The following IPO8 variants were observed in gnomAD, a reference collection of about 807,000 sequenced individuals.
IPO8 encodes importin-8.
Under a neutral mutation model 141.2 loss-of-function variants are expected in IPO8, and 65 were observed. The ratio of observed to expected loss-of-function variants is 0.46; its 90% CI spans 0.38 to 0.57. The LOEUF (loss-of-function observed/expected upper bound fraction) is 0.57, where lower values mean the gene tolerates loss of function less well. IPO8 is among the 20% of genes least tolerant of loss of function. The probability of loss-of-function intolerance (pLI) is 0.00; values close to 1 mark genes in which losing one functional copy is unlikely to be tolerated. For missense variants in IPO8, 980 were observed against 1,246.8 expected, an observed-to-expected ratio of 0.79 and a Z score of 3.22; for synonymous variants, 411 against 420.3, an observed-to-expected ratio of 0.98 and a Z score of 0.27.
At chr12:30,685,256 C>T (rs2053228510) in intron 2 of IPO8, among the ~76,000 whole-genome samples, 1 of 151,862 alleles carries the variant, frequency 6.6e-6, no homozygotes, top group South Asian at 2.1e-4. Context: ...TATCCTGCCT[C>T]AGCCTCCCAA....
chr12:30,642,225 G>A (rs968939602), intron 20 of IPO8, among the ~76,000 whole-genome samples: 4 of 151,874 alleles, frequency 2.6e-5, no homozygotes, highest in Non-Finnish European at 5.9e-5. Context: ...AAAAAAATCT[G>A]TGCATATTAG....
chr12:30,653,490 A>C (rs976921086), intron 17 of IPO8, among the ~76,000 whole-genome samples: 4 of 152,074 alleles, frequency 2.6e-5, no homozygotes. Context: ...GGAGAGCTTA[A>C]TTATATCAGA....
chr12:30,654,522 T>G (rs1415556826), intron 17 of IPO8, among the ~76,000 whole-genome samples: 2 of 151,608 alleles, frequency 1.3e-5, no homozygotes, highest in African/African-American at 4.8e-5. Flanking sequence ...AACCATTCAG[T>G]AGAAAGAAAA....
intron 2 of IPO8, among the ~76,000 whole-genome samples, chr12:30,690,119 G>A (rs562102324): frequency 1.1e-4 from 16 of 152,322 alleles, no homozygotes; most frequent in South Asian, 2.1e-4. Flanking sequence ...GATTTGCCAC[G>A]TAACAGAGCT....
intron 23 of IPO8, among the ~76,000 whole-genome samples, chr12:30,632,471 T>C (rs1409167193): frequency 6.6e-6 from 1 of 152,096 alleles, no homozygotes; most frequent in Non-Finnish European, 1.5e-5. Flanking sequence ...TCAACACAAC[T>C]AAAACCAAAT....
chr12:30,678,552 C>T (rs558934315), intron 5 of IPO8, among the ~76,000 whole-genome samples: 5 of 151,998 alleles, frequency 3.3e-5, no homozygotes, highest in East Asian at 1.9e-4. Context: ...CACAGAGGGA[C>T]AAAAATTACT....
rs552955603 is a variant in IPO8 at position 30,641,869 on chromosome 12, A to T, written c.2269-2134T>A. On this transcript the variant is annotated intron_variant, in intron 20 of 24. Transcript: ENST00000256079. Reference sequence around the variant, plus strand: ...TAGAACAGAATCGAGTAGGTTAAGGATAAAGAATGTAGTCATGAATCTGAA... The same window carrying T: ...TAGAACAGAATCGAGTAGGTTAAGGTTAAAGAATGTAGTCATGAATCTGAA... Among the ~76,000 whole-genome samples the T allele has an allele frequency of 2.0e-5, 3 of 152,258 alleles. No homozygotes were observed. The South Asian group carries it at 6.2e-4, about 32-fold the overall frequency.
intron 1 of IPO8, among the ~76,000 whole-genome samples, chr12:30,692,415 A>C (rs75256359): frequency 0.052 from 7,920 of 152,270 alleles, 318 homozygotes; most frequent in African/African-American, 0.11. Context: ...CAGCTAAAAC[A>C]TTCAGAGATA....
At chr12:30,678,383 AT>A (rs1316752139) in intron 5 of IPO8, among the ~76,000 whole-genome samples, 4 of 152,062 alleles carry the variant, frequency 2.6e-5, no homozygotes, top group Non-Finnish European at 5.9e-5. Flanking sequence ...CTTATACTGC[AT>A]TTTTAGCATA....
intron 19 of IPO8, among the ~76,000 whole-genome samples, chr12:30,650,366 T>G (rs2052709154): frequency 6.6e-6 from 1 of 151,972 alleles, no homozygotes; most frequent in South Asian, 2.1e-4. Flanking sequence ...CAGAAAAAAG[T>G]AGAGAGAACA....
intron 22 of IPO8, 59 bp downstream of exon 22, chr12:30,636,923 T>C: frequency 7.2e-7 from 1 of 1,390,922 alleles, no homozygotes; most frequent in Non-Finnish European, 1.0e-6. Context: ...AGTATTCATA[T>C]AAAATGCATA....
At position 30,629,338 on chromosome 12, in the gene IPO8, A is replaced by C. The variant is rs944958067; in HGVS notation, c.*1522T>G. On this transcript the variant is annotated 3_prime_UTR_variant, in exon 25 of 25. Coordinates refer to ENST00000256079, the MANE Select transcript of IPO8 (RefSeq NM_006390.4). ...TTCGCTTCTAACTGCCAGTTGGCAC[A>C]TTCAGCTTCAATGCCTTGGGAAGGG... is the stretch of plus-strand genomic sequence containing the variant. The C allele has an allele frequency of 6.6e-6, 1 of 152,252 alleles. No homozygotes were observed. The highest frequency in any genetic ancestry group is 6.5e-5 in the Admixed American group (1 of 15,286). 9.4% of individuals were successfully genotyped at this position (152,252 alleles called of 1,614,324 possible).
Position 30,630,699 on chromosome 12 carries a change from CAAAGGGG to C in IPO8, c.*154_*160del. On this transcript the variant is annotated 3_prime_UTR_variant, in exon 25 of 25. Coordinates refer to ENST00000256079, the MANE Select transcript of IPO8 (RefSeq NM_006390.4). ...ATATATATTTCAGGGTGACAAAGGT[CAAAGGGG>C]AAAGAGTAGATAAAAGTGCTGCCTA... 1.7e-6 allele frequency: 1 copy of C among 594,732 alleles called. No individual in the cohort carries two copies. Among genetic ancestry groups the C allele is most frequent in the Non-Finnish European group, 3.0e-6 (1 of 334,390 alleles). The allele number at this position is 594,732 out of a possible 1,614,324, so 36.8% of individuals were successfully genotyped here.
At chr12:30,677,098 G>C (rs1185719849) in intron 5 of IPO8, 16 of 1,508,626 alleles carry the variant, frequency 1.1e-5, no homozygotes, top group Non-Finnish European at 1.4e-5. Flanking sequence ...CATCCATTCA[G>C]TACAAAACAT....
At chr12:30,663,397 C>A in intron 14 of IPO8, 92 bp downstream of exon 14, 2 of 1,126,468 alleles carry the variant, frequency 1.8e-6, no homozygotes, top group Non-Finnish European at 2.5e-6. Context: ...AATTCCAAAC[C>A]CTGAACCCTC....
At chr12:30,660,148 G>A (rs141305671) in intron 16 of IPO8, among the ~76,000 whole-genome samples, 3,421 of 151,806 alleles carry the variant, frequency 0.023, 60 homozygotes, top group Non-Finnish European at 0.03. Flanking sequence ...GCTTGAACCC[G>A]GAAGGTGGAG....
intron 5 of IPO8, among the ~76,000 whole-genome samples, chr12:30,677,892 T>C (rs1426353942): frequency 6.6e-6 from 1 of 151,866 alleles, no homozygotes; most frequent in Non-Finnish European, 1.5e-5. Flanking sequence ...ATCTCAGCAC[T>C]TTGGGAGGCC....
At chr12:30,676,228 C>T (rs995110870) in intron 6 of IPO8, among the ~76,000 whole-genome samples, 1 of 151,876 alleles carries the variant, frequency 6.6e-6, no homozygotes, top group Admixed American at 6.6e-5. Context: ...GCCCAGCCAA[C>T]GTATACTACT....
At chr12:30,670,210 G>T (rs1337792885) in intron 9 of IPO8, among the ~76,000 whole-genome samples, 2 of 152,132 alleles carry the variant, frequency 1.3e-5, no homozygotes, top group Non-Finnish European at 2.9e-5. Flanking sequence ...TCAAAGAAAA[G>T]ATATCTGTTG....
Sources: allele counts gnomAD v4.1 joint callset (sites outside exome capture counted in the v4.1 genomes callset), GRCh38; gene constraint gnomAD v4.1.1; transcripts MANE v1.5; gene names NCBI Gene and HGNC (gene_info 2026-07-23, HGNC 2026-07-21).